CSMD3: variants seen among roughly 807,000 people sequenced by gnomAD.
The protein encoded by CSMD3 is CUB and Sushi multiple domains 3, also known as CUB and sushi domain-containing protein 3.
In CSMD3, 177 loss-of-function variants were observed where a neutral mutation model predicts 435.2. The observed-to-expected ratio is 0.41, with a 90% CI of 0.36 to 0.46. The LOEUF (loss-of-function observed/expected upper bound fraction) is 0.46, where lower values mean the gene tolerates loss of function less well. Among genes scored for constraint, CSMD3 ranks in the 20% least tolerant of loss-of-function variants. The pLI, the probability that CSMD3 is intolerant of heterozygous loss-of-function variation, is 0.34. For synonymous variants in CSMD3, 1,656 were observed against 1,520.5 expected (o/e 1.09, Z -2.07); for missense variants, 4,265 against 4,504.6 (o/e 0.95, Z 1.52).
At chr8:113,027,021 A>G (rs1166215072) in intron 5 of CSMD3, among the ~76,000 whole-genome samples, 4 of 152,188 alleles carry the variant, frequency 2.6e-5, no homozygotes, top group Non-Finnish European at 5.9e-5. Flanking sequence ...ATTAAGTACT[A>G]TCCTATTACA....
At chr8:112,788,981 G>C (rs1456795008) in intron 13 of CSMD3, among the ~76,000 whole-genome samples, 1 of 152,108 alleles carries the variant, frequency 6.6e-6, no homozygotes. Flanking sequence ...GAGGCAGATG[G>C]AAATGTTATC....
chr8:113,075,279 G>T (rs962794340), intron 5 of CSMD3, among the ~76,000 whole-genome samples: 1 of 151,732 alleles, frequency 6.6e-6, no homozygotes, highest in Non-Finnish European at 1.5e-5. Context: ...AATTTTCTCT[G>T]TATAAGTCTT....
At chr8:113,200,358 A>G (rs2092704231) in intron 3 of CSMD3, among the ~76,000 whole-genome samples, 1 of 151,734 alleles carries the variant, frequency 6.6e-6, no homozygotes, top group South Asian at 2.1e-4. Flanking sequence ...TGGAATACCT[A>G]TTTCCATTTT....
At chr8:112,660,525 AG>A (rs1401272636) in intron 17 of CSMD3, among the ~76,000 whole-genome samples, 3 of 152,142 alleles carry the variant, frequency 2.0e-5, no homozygotes, top group Non-Finnish European at 2.9e-5. Flanking sequence ...TACCCTTAAA[AG>A]GTCTTTAGAG....
At chr8:112,528,294 T>A (rs1825186159) in intron 27 of CSMD3, among the ~76,000 whole-genome samples, 1 of 152,044 alleles carries the variant, frequency 6.6e-6, no homozygotes, top group African/African-American at 2.4e-5. Context: ...AGGCAATTTA[T>A]TCATTAAAAA....
chr8:112,344,430 G>T (rs946886552), intron 41 of CSMD3, among the ~76,000 whole-genome samples: 1 of 152,094 alleles, frequency 6.6e-6, no homozygotes, highest in Non-Finnish European at 1.5e-5. Flanking sequence ...TATACACTCA[G>T]TAAATATTTG....
rs190605071 is a variant in CSMD3 at position 112,494,393 on chromosome 8, T to C, written c.5084-1710A>G. On this transcript the variant is annotated intron_variant, in intron 30 of 70. Transcript: ENST00000297405. ...TTAAAGGCTCACGACCCTACTATTT[T>C]CTTTTTCTTTTCTTTTCTTTTCTTT... 2.7e-3 allele frequency among the ~76,000 whole-genome samples: 409 copies of C among 151,704 alleles called. 1 individual carries two copies. Among genetic ancestry groups the C allele is most frequent in the African/African-American group, 9.3e-3 (385 of 41,468 alleles).
rs1181437369 is a variant in CSMD3, at chr8:113,292,107, CT to C, written c.402-13404del. 2.0e-5 allele frequency among the ~76,000 whole-genome samples: 3 copies of C among 151,532 alleles called. No individual in the cohort carries two copies. The East Asian group carries it at 5.8e-4, about 29-fold the overall frequency. ...AGTTTAAAAGAATGTTTACAGTTTACTTTGTAATTATTATTTCTTTCTTTAG... is the reference window on the plus strand; with the variant it reads ...AGTTTAAAAGAATGTTTACAGTTTACTTGTAATTATTATTTCTTTCTTTAG... On this transcript the variant is annotated intron_variant, in intron 2 of 70. Transcript: ENST00000297405.
intron 5 of CSMD3, among the ~76,000 whole-genome samples, chr8:113,086,137 T>C (rs1458750020): frequency 2.0e-5 from 3 of 151,776 alleles, no homozygotes; most frequent in African/African-American, 7.3e-5. Context: ...TAGTCCCAGC[T>C]ACTCGGGAGG....
chr8:113,187,076 TGA>T (rs1564405178), intron 3 of CSMD3, among the ~76,000 whole-genome samples: 4 of 151,920 alleles, frequency 2.6e-5, no homozygotes, highest in African/African-American at 9.6e-5. Context: ...CTCATGAATA[TGA>T]GATTCTGTCT....
At chr8:112,448,123 G>C (rs185046863) in intron 32 of CSMD3, among the ~76,000 whole-genome samples, 1 of 152,210 alleles carries the variant, frequency 6.6e-6, no homozygotes, top group Non-Finnish European at 1.5e-5. Context: ...ATCTGAGATC[G>C]GGGACAAGCA....
intron 11 of CSMD3, among the ~76,000 whole-genome samples, chr8:112,837,539 G>A (rs1258326179): frequency 6.6e-6 from 1 of 151,720 alleles, no homozygotes; most frequent in Non-Finnish European, 1.5e-5. Flanking sequence ...GTTGAAATAT[G>A]TATTACAATA....
chr8:113,043,761 T>C lies in CSMD3; in HGVS notation c.918-24582A>G, dbSNP rs569922153. Among the ~76,000 whole-genome samples, 21 of 152,144 alleles carry C rather than the reference T, an allele frequency of 1.4e-4. No homozygotes were observed. In the South Asian group the frequency reaches 4.4e-3, roughly 32 times the overall value. On this transcript the variant is annotated intron_variant, in intron 5 of 70. Transcript: ENST00000297405. ...GTTAGTAATTTTGTATCTAATAATT[T>C]AGAAGAAGCAACTTCTTCCTAAAAG...
At chr8:113,167,392 GT>G (rs1321529303) in intron 4 of CSMD3, among the ~76,000 whole-genome samples, 19 of 152,026 alleles carry the variant, frequency 1.2e-4, no homozygotes, top group Admixed American at 1.2e-3. Context: ...AAAATACTCA[GT>G]TTTTGACATA....
intron 27 of CSMD3, among the ~76,000 whole-genome samples, chr8:112,526,573 C>T (rs546737389): frequency 3.6e-4 from 54 of 151,972 alleles, no homozygotes; most frequent in Admixed American, 6.5e-4. Flanking sequence ...ACAACCAATT[C>T]CTAGTACATT....
At chr8:112,298,066 C>CAAAAAAAAAAAAAAAAAAAA (rs35232021) in intron 53 of CSMD3, among the ~76,000 whole-genome samples, 1 of 93,584 alleles carries the variant, frequency 1.1e-5, no homozygotes, top group Non-Finnish European at 2.2e-5. Flanking sequence ...TGCCATTGCA[C>CAAAAAAAAAAAAAAAAAAAA]AAAAAAAAAA....
chr8:112,937,591 T>A (rs1205027687), intron 9 of CSMD3, among the ~76,000 whole-genome samples: 1 of 152,078 alleles, frequency 6.6e-6, no homozygotes, highest in Non-Finnish European at 1.5e-5. Context: ...CCTCAGGTGA[T>A]CCGCCAGCCT....
intron 10 of CSMD3, among the ~76,000 whole-genome samples, chr8:112,899,414 C>T (rs2082038728): frequency 6.7e-6 from 1 of 149,444 alleles, no homozygotes; most frequent in Non-Finnish European, 1.5e-5. Flanking sequence ...TGCATATAGG[C>T]ACATTTTCAC....
At chr8:112,393,894 T>C (rs1224494417) in intron 35 of CSMD3, among the ~76,000 whole-genome samples, 1 of 152,132 alleles carries the variant, frequency 6.6e-6, no homozygotes, top group East Asian at 1.9e-4. Context: ...CAGATTTTTT[T>C]TTTTTAACTC....
Sources: gnomAD v4.1 joint callset for allele counts (sites outside exome capture counted in the v4.1 genomes callset) on GRCh38, gnomAD v4.1.1 for gene constraint, MANE v1.5 for transcripts, NCBI Gene and HGNC (gene_info 2026-07-23, HGNC 2026-07-21) for gene names.